The following MTUS2 variants were observed in gnomAD, a reference collection of about 807,000 sequenced individuals.
MTUS2 encodes microtubule-associated tumor suppressor candidate 2.
MTUS2 carries 40 observed loss-of-function variants against 114.1 expected under a neutral mutation model. The observed-to-expected ratio is 0.35, with a 90% confidence interval of 0.27 to 0.46. The LOEUF (loss-of-function observed/expected upper bound fraction) is 0.46. Among genes scored for constraint, MTUS2 ranks in the 20% least tolerant of loss-of-function variants. The pLI is 1.00. For missense variants in MTUS2, 1,679 were observed against 1,705.4 expected (o/e 0.98, Z 0.27); for synonymous variants, 688 against 672.0 (o/e 1.02, Z -0.37).
chr13:29,053,709 GT>G (rs1486474196), intron 4 of MTUS2, among the ~76,000 whole-genome samples: 1 of 152,110 alleles, frequency 6.6e-6, no homozygotes. Flanking sequence ...TCATCATAAT[GT>G]TTTTGAGATT....
intron 3 of MTUS2, among the ~76,000 whole-genome samples, chr13:29,031,270 G>GTGTGT (rs1555287201): frequency 3.6e-4 from 8 of 22,436 alleles, no homozygotes; most frequent in Non-Finnish European, 7.6e-4. Context: ...GTGTGTGTGT[G>GTGTGT]GTGTGTGTTC....
At chr13:28,982,843 G>A (rs564576545) in intron 2 of MTUS2, among the ~76,000 whole-genome samples, 10 of 152,178 alleles carry the variant, frequency 6.6e-5, no homozygotes, top group Admixed American at 1.3e-4. Flanking sequence ...ATTCATAGAC[G>A]AAAAGTAGAA....
chr13:29,231,074 G>A (rs1298001474), intron 5 of MTUS2, among the ~76,000 whole-genome samples: 1 of 152,098 alleles, frequency 6.6e-6, no homozygotes, highest in Non-Finnish European at 1.5e-5. Flanking sequence ...TGTGGTTCAA[G>A]CCCCAAGCAG....
chr13:29,354,753 G>A (rs1869598730), intron 7 of MTUS2, among the ~76,000 whole-genome samples: 1 of 152,094 alleles, frequency 6.6e-6, no homozygotes, highest in South Asian at 2.1e-4. Flanking sequence ...CCCACCACCA[G>A]CTCACCCCAG....
intron 2 of MTUS2, among the ~76,000 whole-genome samples, chr13:28,960,017 T>G (rs1361660164): frequency 6.6e-6 from 1 of 152,112 alleles, no homozygotes; most frequent in African/African-American, 2.4e-5. Context: ...CAGGAAAATC[T>G]CAAAGCTAAT....
Position 29,026,103 on chromosome 13 carries a change from G to T in MTUS2, c.1405G>T (p.Val469Phe). The change falls in exon 3 of 16, where the codon GTT becomes TTT. Residue 469 changes from valine (V) to phenylalanine (F), a missense_variant. Physicochemically the swap from Val to Phe is conservative, Grantham distance 50. Transcript: ENST00000612955. Reference protein sequence around the residue: ...LGSGNKDSVMVLVFNPSVGEN... With the variant: ...LGSGNKDSVMFLVFNPSVGEN... ...CAGTGGGAATAAGGACAGTGTTATG[G>T]TTTTGGTGTTCAATCCTTCTGTTGG... 1 of 1,614,006 alleles carries T rather than the reference G, an allele frequency of 6.2e-7. No homozygotes were observed. The highest frequency in any genetic ancestry group is 1.6e-4 in the Middle Eastern group (1 of 6,062).
chr13:28,859,531 G>T (rs1227719807), intron 2 of MTUS2, among the ~76,000 whole-genome samples: 3 of 152,148 alleles, frequency 2.0e-5, no homozygotes, highest in Non-Finnish European at 2.9e-5. Context: ...TGTGTGTGTG[G>T]GCATCTGCCA....
intron 2 of MTUS2, among the ~76,000 whole-genome samples, chr13:28,974,374 T>G (rs1883992818): frequency 6.6e-6 from 1 of 152,212 alleles, no homozygotes; most frequent in Non-Finnish European, 1.5e-5. Context: ...CCAAACAAAC[T>G]GTATCTGAAT....
At chr13:28,919,833 A>G (rs918258616) in intron 2 of MTUS2, among the ~76,000 whole-genome samples, 2 of 152,140 alleles carry the variant, frequency 1.3e-5, no homozygotes, top group Admixed American at 6.6e-5. Context: ...TTTCTTCTAC[A>G]TCAATTCTGC....
At chr13:29,083,505 A>G (rs1186522026) in intron 4 of MTUS2, among the ~76,000 whole-genome samples, 1 of 152,210 alleles carries the variant, frequency 6.6e-6, no homozygotes, top group African/African-American at 2.4e-5. Flanking sequence ...TGAATGGAAC[A>G]TATTAGCCAA....
At chr13:29,129,851 A>G (rs376093263) in intron 5 of MTUS2, among the ~76,000 whole-genome samples, 10 of 152,248 alleles carry the variant, frequency 6.6e-5, no homozygotes, top group East Asian at 1.9e-4. Flanking sequence ...TCAAAAAAGA[A>G]TGGTGGGGGC....
At chr13:29,320,204 C>T (rs1456081805) in intron 6 of MTUS2, among the ~76,000 whole-genome samples, 2 of 151,984 alleles carry the variant, frequency 1.3e-5, no homozygotes, top group African/African-American at 2.4e-5. Flanking sequence ...AAGCAGGGAT[C>T]GGAGTGATTG....
chr13:29,315,140 GAATAGAATAGTGGGT>G (rs1899933196), intron 6 of MTUS2, among the ~76,000 whole-genome samples: 1 of 152,178 alleles, frequency 6.6e-6, no homozygotes, highest in Non-Finnish European at 1.5e-5. Context: ...TAGAACTAGA[GAATAGAATAGTGGGT>G]ACTAGAAATT....
chr13:29,278,537 T>A (rs979153771), intron 5 of MTUS2, among the ~76,000 whole-genome samples: 2 of 152,192 alleles, frequency 1.3e-5, no homozygotes, highest in Non-Finnish European at 2.9e-5. Flanking sequence ...AATCTCAGCC[T>A]CGCCACCTGT....
At chr13:29,494,135 G>A (rs1882373930) in intron 12 of MTUS2, among the ~76,000 whole-genome samples, 2 of 152,252 alleles carry the variant, frequency 1.3e-5, no homozygotes, top group South Asian at 4.1e-4. Flanking sequence ...AAATAAGGAT[G>A]ATGACAGTAT....
At chr13:29,384,007 A>G (rs1872458956) in intron 8 of MTUS2, among the ~76,000 whole-genome samples, 1 of 152,222 alleles carries the variant, frequency 6.6e-6, no homozygotes, top group Non-Finnish European at 1.5e-5. Flanking sequence ...TATTGTATAT[A>G]ATGAAACCTG....
At chr13:29,375,574 CAT>C (rs1275157922) in intron 8 of MTUS2, among the ~76,000 whole-genome samples, 42 of 3,164 alleles carry the variant, frequency 0.013, 6 homozygotes, top group African/African-American at 0.037. Context: ...TATATATATA[CAT>C]ATATATATAT....
intron 2 of MTUS2, among the ~76,000 whole-genome samples, chr13:28,957,111 C>T (rs1593332368): frequency 1.3e-5 from 2 of 152,186 alleles, no homozygotes; most frequent in East Asian, 3.9e-4. Context: ...TCACAGTGTA[C>T]AAAGAGCTCT....
chr13:29,150,671 A>G (rs933622833), intron 5 of MTUS2, among the ~76,000 whole-genome samples: 8 of 152,234 alleles, frequency 5.3e-5, no homozygotes, highest in African/African-American at 1.9e-4. Context: ...TATAGTTTAC[A>G]TCTTACATTT....
Sources: gnomAD v4.1 joint callset for allele counts (sites outside exome capture counted in the v4.1 genomes callset) on GRCh38, gnomAD v4.1.1 for gene constraint, MANE v1.5 for transcripts, NCBI Gene and HGNC (gene_info 2026-07-23, HGNC 2026-07-21) for gene names.